The following CTNNA2 variants were observed in gnomAD, a reference collection of about 807,000 sequenced individuals.
The protein encoded by CTNNA2 is catenin alpha-2.
A neutral mutation model predicts 101.0 loss-of-function variants in CTNNA2; 42 were observed. That is an observed-to-expected ratio of 0.42 (90% CI 0.32 to 0.54). The LOEUF (loss-of-function observed/expected upper bound fraction) is 0.54, where lower values mean the gene tolerates loss of function less well. Ranked by LOEUF, CTNNA2 falls within the 20% of genes least tolerant of loss-of-function variation. CTNNA2 has a pLI of 0.14. For synonymous variants in CTNNA2, 450 were observed against 456.4 expected (o/e 0.99, Z 0.18); for missense variants, 871 against 1,223.1 (o/e 0.71, Z 4.29).
At chr2:80,308,982 A>G (rs1433469891) in intron 7 of CTNNA2, among the ~76,000 whole-genome samples, 2 of 151,964 alleles carry the variant, frequency 1.3e-5, no homozygotes, top group Non-Finnish European at 2.9e-5. Context: ...CCAGCTACTC[A>G]GGAGGCTGAG....
At chr2:79,476,534 A>G (rs1262741052) in intron 4 of CTNNA2, among the ~76,000 whole-genome samples, 1 of 152,178 alleles carries the variant, frequency 6.6e-6, no homozygotes, top group Non-Finnish European at 1.5e-5. Context: ...GATGGCATGC[A>G]AGAACCATGG....
chr2:79,611,731 T>C (rs1316308487), intron 1 of CTNNA2, among the ~76,000 whole-genome samples: 1 of 152,160 alleles, frequency 6.6e-6, no homozygotes, highest in African/African-American at 2.4e-5. Flanking sequence ...AGCTAGTCTC[T>C]TTTTTAGTCA....
In CTNNA2 at chr2:80,480,559, T is replaced by C. The variant is rs555213528; in HGVS notation, c.1290+60958T>C. ...GTTGCTTGTGAGAAAACTAGGCCTA[T>C]TGTGCGACCTGAACCTATTGATGTA... On this transcript the variant is annotated intron_variant, in intron 9 of 18. Coordinates refer to ENST00000402739, the MANE Select transcript of CTNNA2 (RefSeq NM_001282597.3). Among the ~76,000 whole-genome samples, 7 of 152,234 alleles carry C rather than the reference T, an allele frequency of 4.6e-5. No individual in the cohort carries two copies. In the South Asian group the frequency reaches 1.2e-3, roughly 27 times the overall value.
intron 2 of CTNNA2, chr2:79,687,535 G>T: frequency 5.8e-6 from 4 of 694,792 alleles, no homozygotes; most frequent in South Asian, 1.6e-5. Flanking sequence ...CACCAGAACT[G>T]AATACACATT....
chr2:79,628,620 C>T (rs993904824), intron 1 of CTNNA2, among the ~76,000 whole-genome samples: 1 of 152,186 alleles, frequency 6.6e-6, no homozygotes, highest in African/African-American at 2.4e-5. Flanking sequence ...TCCATAGAAG[C>T]AGTTCAGATG....
intron 7 of CTNNA2, among the ~76,000 whole-genome samples, chr2:80,046,946 G>T (rs2104309507): frequency 6.6e-6 from 1 of 152,236 alleles, no homozygotes; most frequent in African/African-American, 2.4e-5. Flanking sequence ...TATTTTTGTG[G>T]AATGTTATCC....
At chr2:80,135,301 G>A (rs1702631471) in intron 7 of CTNNA2, among the ~76,000 whole-genome samples, 1 of 152,174 alleles carries the variant, frequency 6.6e-6, no homozygotes. Flanking sequence ...TTTTCCCAAG[G>A]AGACAGATGT....
In CTNNA2 at chr2:80,302,958, C is replaced by T; in HGVS notation, c.1057-90253C>T. 2 of 1,613,932 alleles carry T rather than the reference C, an allele frequency of 1.2e-6. No individual in the cohort carries two copies. The highest frequency in any genetic ancestry group is 1.7e-6 in the Non-Finnish European group (2 of 1,179,992). ...TCGATGTAGGTGAGGCGGTTGGAGTCCAGCTGCAGGGACTGCAGGTGCGGC... is the reference window on the plus strand; with the variant it reads ...TCGATGTAGGTGAGGCGGTTGGAGTTCAGCTGCAGGGACTGCAGGTGCGGC... On this transcript the variant is annotated intron_variant, in intron 7 of 18. Transcript: ENST00000402739. This position sits in a 1 kb window ranked among gnomAD's most constrained non-coding sequence, Gnocchi z 6.4.
At chr2:79,748,025 C>G (rs796444271) in intron 3 of CTNNA2, among the ~76,000 whole-genome samples, 23 of 152,314 alleles carry the variant, frequency 1.5e-4, no homozygotes, top group African/African-American at 5.5e-4. Flanking sequence ...ACATGCCTCT[C>G]AGGTGTGAGT....
At chr2:79,759,448 T>C (rs1239015857) in intron 3 of CTNNA2, among the ~76,000 whole-genome samples, 1 of 152,076 alleles carries the variant, frequency 6.6e-6, no homozygotes, top group Non-Finnish European at 1.5e-5. Context: ...GGTCACTTTT[T>C]CTCCCATACT....
intron 7 of CTNNA2, among the ~76,000 whole-genome samples, chr2:80,122,199 G>T (rs527491693): frequency 6.8e-6 from 1 of 147,732 alleles, no homozygotes; most frequent in Non-Finnish European, 1.5e-5. Flanking sequence ...TCTCTCCCCC[G>T]TCCTGTTTCT....
At chr2:80,581,926 G>A (rs546435898) in intron 14 of CTNNA2, 107 bp downstream of exon 14, 79 of 673,684 alleles carry the variant, frequency 1.2e-4, no homozygotes, top group Non-Finnish European at 1.9e-4. Context: ...GAGATTCATG[G>A]GTCAGAAATC....
chr2:79,641,202 G>C (rs1363570647), intron 1 of CTNNA2, among the ~76,000 whole-genome samples: 1 of 152,148 alleles, frequency 6.6e-6, no homozygotes, highest in Non-Finnish European at 1.5e-5. Flanking sequence ...TGGTTTTCTA[G>C]AAAAGCAATG....
intron 7 of CTNNA2, among the ~76,000 whole-genome samples, chr2:80,312,113 A>T (rs1270578148): frequency 6.6e-6 from 1 of 152,262 alleles, no homozygotes; most frequent in Non-Finnish European, 1.5e-5. Flanking sequence ...AAGAAATAGC[A>T]TTCGAACATA....
At chr2:79,305,574 A>G (rs1676220960) in intron 2 of CTNNA2, among the ~76,000 whole-genome samples, 1 of 151,836 alleles carries the variant, frequency 6.6e-6, no homozygotes, top group Admixed American at 6.6e-5. Context: ...AATTTACATT[A>G]TTGCTTACAT....
At chr2:79,370,681 G>A (rs1677850779) in intron 3 of CTNNA2, among the ~76,000 whole-genome samples, 1 of 151,544 alleles carries the variant, frequency 6.6e-6, no homozygotes, top group Non-Finnish European at 1.5e-5. Flanking sequence ...TAAAATTAAG[G>A]CTTAGGGAAG....
At chr2:79,717,461 A>C (rs1329091481) in intron 2 of CTNNA2, among the ~76,000 whole-genome samples, 1 of 152,190 alleles carries the variant, frequency 6.6e-6, no homozygotes, top group Non-Finnish European at 1.5e-5. Context: ...TTCAGGCTGC[A>C]TGAAAGCAGT....
At chr2:80,201,035 A>G (rs1707172876) in intron 7 of CTNNA2, among the ~76,000 whole-genome samples, 1 of 152,162 alleles carries the variant, frequency 6.6e-6, no homozygotes, top group African/African-American at 2.4e-5. Flanking sequence ...CTGATATAAA[A>G]TGGCATAGTA....
intron 2 of CTNNA2, among the ~76,000 whole-genome samples, chr2:79,279,816 A>C (rs1228019824): frequency 2.0e-5 from 3 of 152,062 alleles, no homozygotes; most frequent in Non-Finnish European, 4.4e-5. Context: ...GAACCTTTCC[A>C]TTAGTCTAGG....
Sources: gnomAD v4.1 joint callset for allele counts (sites outside exome capture counted in the v4.1 genomes callset) on GRCh38, gnomAD v4.1.1 for gene constraint, Gnocchi (gnomAD v3.1) non-coding constraint, MANE v1.5 for transcripts, NCBI Gene and HGNC (gene_info 2026-07-23, HGNC 2026-07-21) for gene names.